Variants in SOX5 observed in about 807,000 individuals in gnomAD.
The protein encoded by SOX5 is transcription factor SOX-5.
A neutral mutation model predicts 92.0 loss-of-function variants in SOX5; 9 were observed. The ratio of observed to expected loss-of-function variants is 0.10; its 90% confidence interval spans 0.06 to 0.17. The LOEUF is 0.17. Ranked by LOEUF, SOX5 falls within the 10% of genes least tolerant of loss-of-function variation. SOX5 has a pLI of 1.00. For missense variants in SOX5, 642 were observed against 944.5 expected (o/e 0.68, Z 4.20); for synonymous variants, 344 against 336.3 (o/e 1.02, Z -0.25).
intron 4 of SOX5, among the ~76,000 whole-genome samples, chr12:24,136,500 A>G (rs1950120672): frequency 6.6e-6 from 1 of 152,210 alleles, no homozygotes; most frequent in South Asian, 2.1e-4. Context: ...TCTAACCCTA[A>G]AAGTTTTCCT....
At chr12:23,880,624 A>G (rs1461575513) in intron 2 of SOX5, among the ~76,000 whole-genome samples, 2 of 152,170 alleles carry the variant, frequency 1.3e-5, no homozygotes, top group Non-Finnish European at 2.9e-5. Context: ...CAGGGAATGA[A>G]GTAGCACCTG....
chr12:24,142,861 G>C (rs1950718658), intron 4 of SOX5, among the ~76,000 whole-genome samples: 1 of 150,452 alleles, frequency 6.6e-6, no homozygotes. Flanking sequence ...TACTAGATAA[G>C]ACAAACCTGC....
intron 2 of SOX5, among the ~76,000 whole-genome samples, chr12:23,862,911 C>A (rs1307647443): frequency 6.6e-6 from 1 of 152,090 alleles, no homozygotes; most frequent in Non-Finnish European, 1.5e-5. Context: ...ACAGAGCCAC[C>A]GATTTTCCTA....
intron 3 of SOX5, among the ~76,000 whole-genome samples, chr12:23,824,028 A>G (rs565152612): frequency 4.3e-4 from 65 of 152,134 alleles, no homozygotes; most frequent in African/African-American, 1.5e-3. Context: ...ACCTTTTTTC[A>G]ATGTTCTTAG....
intron 8 of SOX5, among the ~76,000 whole-genome samples, chr12:23,614,668 T>G (rs891936454): frequency 6.6e-6 from 1 of 152,252 alleles, no homozygotes; most frequent in Admixed American, 6.5e-5. Context: ...TGCTTATCCA[T>G]GTCCTAGGAT....
At chr12:24,428,655 G>A (rs1013701929) in intron 1 of SOX5, among the ~76,000 whole-genome samples, 3 of 128,750 alleles carry the variant, frequency 2.3e-5, no homozygotes, top group Non-Finnish European at 4.7e-5. Context: ...TGTAGTCCTA[G>A]CTACTCTGGA....
intron 4 of SOX5, among the ~76,000 whole-genome samples, chr12:23,974,625 T>G (rs1948708743): frequency 6.6e-6 from 1 of 152,174 alleles, no homozygotes; most frequent in Admixed American, 6.6e-5. Flanking sequence ...CTCTGAAACC[T>G]CCAAGCTTCC....
chr12:23,704,939 TATATTACAA>T (rs1433038597), intron 6 of SOX5, among the ~76,000 whole-genome samples: 1 of 151,834 alleles, frequency 6.6e-6, no homozygotes, highest in South Asian at 2.1e-4. Context: ...TCTAAAATTG[TATATTACAA>T]ATATAAAAGA....
At chr12:23,831,246 C>T (rs192160057) in intron 3 of SOX5, among the ~76,000 whole-genome samples, 4 of 151,296 alleles carry the variant, frequency 2.6e-5, no homozygotes, top group East Asian at 1.9e-4. Flanking sequence ...AATATCAAAA[C>T]GATAAATGAA....
chr12:23,944,160 A>G (rs1208847692), intron 1 of SOX5: 2 of 152,022 alleles, frequency 1.3e-5, no homozygotes, highest in Non-Finnish European at 2.9e-5. Context: ...ATCCCTATAA[A>G]CAGTTCTCAC....
intron 9 of SOX5, among the ~76,000 whole-genome samples, chr12:23,577,327 G>A (rs1949325957): frequency 6.6e-6 from 1 of 150,452 alleles, no homozygotes; most frequent in African/African-American, 2.4e-5. Context: ...CTGAGTAGCT[G>A]GGACACTACT....
At chr12:24,389,106 C>G (rs965654551) in intron 1 of SOX5, among the ~76,000 whole-genome samples, 2 of 152,040 alleles carry the variant, frequency 1.3e-5, no homozygotes, top group African/African-American at 4.8e-5. Context: ...TCCCTCCCCC[C>G]TCCTCCCACC....
chr12:24,432,758 G>C (rs577005007), intron 1 of SOX5, among the ~76,000 whole-genome samples: 15 of 152,230 alleles, frequency 9.9e-5, no homozygotes, highest in Middle Eastern at 6.8e-3. Context: ...ATTGCAGTGA[G>C]CCAAGATCGC....
At chr12:23,988,658 G>C (rs1950275405) in intron 4 of SOX5, among the ~76,000 whole-genome samples, 1 of 152,140 alleles carries the variant, frequency 6.6e-6, no homozygotes, top group Admixed American at 6.6e-5. Flanking sequence ...AACAAAGAAG[G>C]ATGCTTAAAC....
chr12:24,473,426 C>A (rs1408043343), intron 1 of SOX5, among the ~76,000 whole-genome samples: 1 of 152,188 alleles, frequency 6.6e-6, no homozygotes, highest in Non-Finnish European at 1.5e-5. Context: ...AGCTCTCATG[C>A]CACTTGTGGA....
chr12:23,980,387 C>T, intron 4 of SOX5, among the ~76,000 whole-genome samples: 1 of 151,846 alleles, frequency 6.6e-6, no homozygotes, highest in South Asian at 2.1e-4. Context: ...CAATAATATT[C>T]CTTTAAATGT....
At chr12:24,061,275 GTAAGTAT>G (rs906859971) in intron 4 of SOX5, among the ~76,000 whole-genome samples, 1 of 152,102 alleles carries the variant, frequency 6.6e-6, no homozygotes, top group Non-Finnish European at 1.5e-5. Flanking sequence ...TAAGTATCCC[GTAAGTAT>G]TAAGTATTAA....
chr12:23,945,574 C>T (rs1944455760), intron 1 of SOX5, among the ~76,000 whole-genome samples: 1 of 152,124 alleles, frequency 6.6e-6, no homozygotes, highest in South Asian at 2.1e-4. Context: ...TGTCTTAGCT[C>T]AGTTAGCTTG....
intron 1 of SOX5, among the ~76,000 whole-genome samples, chr12:24,370,993 C>T (rs1329517041): frequency 2.0e-5 from 3 of 152,070 alleles, no homozygotes; most frequent in Admixed American, 6.6e-5. Flanking sequence ...CAGGTTAATG[C>T]CCAGGAATGT....
Sources: allele counts gnomAD v4.1 joint callset (sites outside exome capture counted in the v4.1 genomes callset), GRCh38; gene constraint gnomAD v4.1.1; transcripts MANE v1.5; gene names NCBI Gene and HGNC (gene_info 2026-07-23, HGNC 2026-07-21).